Variants in CCDC169 observed in about 807,000 individuals in gnomAD.
CCDC169 encodes coiled-coil domain-containing protein 169.
Under a neutral mutation model 36.0 loss-of-function variants are expected in CCDC169, and 30 were observed. The ratio of observed to expected loss-of-function variants is 0.83; its 90% CI spans 0.62 to 1.13. The LOEUF (loss-of-function observed/expected upper bound fraction) is 1.13. Among genes scored for constraint, CCDC169 ranks in the 50% most tolerant of loss-of-function variants. The pLI is 0.00. For synonymous variants in CCDC169, 85 were observed against 81.5 expected (o/e 1.04, Z -0.23); for missense variants, 245 against 245.9 (o/e 1.00, Z 0.03).
At chr13:36,289,457 C>T (rs1011486499) in intron 2 of CCDC169, among the ~76,000 whole-genome samples, 1 of 152,214 alleles carries the variant, frequency 6.6e-6, no homozygotes, top group African/African-American at 2.4e-5. Context: ...AGAAACTTCT[C>T]ATGCAGTTAC....
At chr13:36,289,228 T>C (rs981482496) in intron 2 of CCDC169, among the ~76,000 whole-genome samples, 9 of 152,232 alleles carry the variant, frequency 5.9e-5, no homozygotes, top group Non-Finnish European at 1.3e-4. Flanking sequence ...GCTGTCTCAC[T>C]GCTTTCAGCT....
chr13:36,267,909 A>G (rs1445096189), intron 4 of CCDC169, among the ~76,000 whole-genome samples: 1 of 152,196 alleles, frequency 6.6e-6, no homozygotes, highest in Admixed American at 6.5e-5. Context: ...AGATATTTCA[A>G]TTCTAAATTT....
At chr13:36,256,185 C>T (rs950445293) in intron 4 of CCDC169, among the ~76,000 whole-genome samples, 7 of 152,150 alleles carry the variant, frequency 4.6e-5, no homozygotes, top group South Asian at 2.1e-4. Flanking sequence ...GTGTGAGGGA[C>T]GTGATTTGCA....
At chr13:36,249,465 G>A (rs1247522251) in intron 6 of CCDC169, among the ~76,000 whole-genome samples, 1 of 152,136 alleles carries the variant, frequency 6.6e-6, no homozygotes, top group Non-Finnish European at 1.5e-5. Flanking sequence ...TGCTGTATTT[G>A]GCTATTAAGA....
chr13:36,265,933 C>T (rs1355045506), intron 4 of CCDC169, among the ~76,000 whole-genome samples: 1 of 152,140 alleles, frequency 6.6e-6, no homozygotes, highest in Non-Finnish European at 1.5e-5. Context: ...ACCCTGTGCT[C>T]AATCATCCTT....
At chr13:36,296,592 A>T (rs1386887204) in intron 1 of CCDC169, among the ~76,000 whole-genome samples, 1 of 152,270 alleles carries the variant, frequency 6.6e-6, no homozygotes, top group Non-Finnish European at 1.5e-5. Context: ...ATCAGTAAAT[A>T]GAACATTATC....
chr13:36,249,885 T>C (rs1401294431), intron 6 of CCDC169, among the ~76,000 whole-genome samples: 1 of 152,126 alleles, frequency 6.6e-6, no homozygotes, highest in Non-Finnish European at 1.5e-5. Context: ...TCTTTTTGGG[T>C]GTGAGCTAAG....
At chr13:36,291,172 G>C (rs1302311071) in intron 2 of CCDC169, among the ~76,000 whole-genome samples, 1 of 152,144 alleles carries the variant, frequency 6.6e-6, no homozygotes, top group African/African-American at 2.4e-5. Flanking sequence ...CATTAAAATA[G>C]AGATCACATA....
At chr13:36,284,620 T>TG (rs1877950743) in intron 2 of CCDC169, among the ~76,000 whole-genome samples, 1 of 152,192 alleles carries the variant, frequency 6.6e-6, no homozygotes, top group South Asian at 2.1e-4. Flanking sequence ...TCCTTATGTC[T>TG]GGGGAAAAAG....
intron 2 of CCDC169, among the ~76,000 whole-genome samples, chr13:36,293,599 C>T (rs2138656065): frequency 6.6e-6 from 1 of 152,230 alleles, no homozygotes; most frequent in Non-Finnish European, 1.5e-5. Flanking sequence ...GGAATGCTTG[C>T]TCTTGGGATA....
chr13:36,268,690 T>C (rs1875649571), intron 4 of CCDC169, among the ~76,000 whole-genome samples: 1 of 152,114 alleles, frequency 6.6e-6, no homozygotes, highest in Non-Finnish European at 1.5e-5. Context: ...ATCTGGCTCT[T>C]TGAAAAAATA....
chr13:36,289,625 T>C (rs1053952043), intron 2 of CCDC169, among the ~76,000 whole-genome samples: 2 of 152,216 alleles, frequency 1.3e-5, no homozygotes, highest in Admixed American at 1.3e-4. Flanking sequence ...TTTCTTTGCC[T>C]TTCTGGTAAC....
chr13:36,288,040 G>A (rs1013214273), intron 2 of CCDC169, among the ~76,000 whole-genome samples: 11 of 151,170 alleles, frequency 7.3e-5, no homozygotes, highest in South Asian at 2.1e-4. Context: ...ATGGAGTCTC[G>A]CTCTGTCACC....
chr13:36,282,935 T>A (rs1273691169), intron 4 of CCDC169: 1 of 154,042 alleles, frequency 6.5e-6, no homozygotes. Context: ...GTAGACAGAA[T>A]ATTTTATATC....
At chr13:36,239,233 T>C (rs1230072771) in intron 7 of CCDC169, among the ~76,000 whole-genome samples, 1 of 102,976 alleles carries the variant, frequency 9.7e-6, no homozygotes, top group African/African-American at 4.0e-5. Flanking sequence ...ACAAGACCTG[T>C]CTCTTTAAAA....
intron 2 of CCDC169, among the ~76,000 whole-genome samples, chr13:36,290,855 T>G (rs1008955713): frequency 6.6e-6 from 1 of 151,866 alleles, no homozygotes; most frequent in Non-Finnish European, 1.5e-5. Context: ...TCCTTGGCAA[T>G]AGGGGTCCCA....
downstream of CCDC169, chr13:36,223,802 A>G (rs1869730931): frequency 6.6e-6 from 1 of 152,200 alleles, no homozygotes; most frequent in Non-Finnish European, 1.5e-5. Context: ...TGTACATAGT[A>G]TAGAAGTCTA....
chr13:36,262,062 T>A (rs7321473), intron 4 of CCDC169, among the ~76,000 whole-genome samples: 59,851 of 151,968 alleles, frequency 0.39, 12,853 homozygotes, highest in Non-Finnish European at 0.48. Flanking sequence ...TTTCAGGAAG[T>A]TCATATAGAG....
intron 7 of CCDC169, among the ~76,000 whole-genome samples, chr13:36,231,535 G>A (rs531458316): frequency 6.6e-6 from 1 of 152,320 alleles, no homozygotes; most frequent in Admixed American, 6.5e-5. Flanking sequence ...AAGGCTGGAA[G>A]CAGCATGTCA....
Sources: allele counts gnomAD v4.1 joint callset (sites outside exome capture counted in the v4.1 genomes callset), GRCh38; gene constraint gnomAD v4.1.1; transcripts MANE v1.5; gene names NCBI Gene and HGNC (gene_info 2026-07-23, HGNC 2026-07-21).